MSRA: variants seen among roughly 807,000 people sequenced by gnomAD.
MSRA encodes mitochondrial peptide methionine sulfoxide reductase.
Under a neutral mutation model 31.3 loss-of-function variants are expected in MSRA, and 54 were observed. The observed-to-expected ratio is 1.73, with a 90% CI of 1.39 to 2.17. The LOEUF (loss-of-function observed/expected upper bound fraction) is 2.17. Among genes scored for constraint, MSRA ranks in the 30% most tolerant of loss-of-function variants. The pLI is 0.00. For missense variants in MSRA, 507 were observed against 300.9 expected, an observed-to-expected ratio of 1.69 and a Z score of -5.07; for synonymous variants, 169 against 116.5, an observed-to-expected ratio of 1.45 and a Z score of -2.90.
At chr8:10,341,582 C>T (rs888500335) in intron 5 of MSRA, among the ~76,000 whole-genome samples, 1 of 152,182 alleles carries the variant, frequency 6.6e-6, no homozygotes, top group Non-Finnish European at 1.5e-5. Context: ...TTTCATACAG[C>T]GCTGGGCTTG....
chr8:10,398,664 G>A (rs973202687), intron 5 of MSRA, among the ~76,000 whole-genome samples: 3 of 152,202 alleles, frequency 2.0e-5, no homozygotes, highest in African/African-American at 7.2e-5. Context: ...AGCTGCTAAG[G>A]CCTGATCTTT....
chr8:10,056,705 C>G (rs1045818569), intron 1 of MSRA, among the ~76,000 whole-genome samples: 5 of 152,160 alleles, frequency 3.3e-5, no homozygotes, highest in Admixed American at 6.5e-5. Flanking sequence ...GGCAGTGTTA[C>G]CTCTTCAGTG....
chr8:10,344,845 G>A (rs1270956832), intron 5 of MSRA, among the ~76,000 whole-genome samples: 1 of 152,170 alleles, frequency 6.6e-6, no homozygotes, highest in Non-Finnish European at 1.5e-5. Flanking sequence ...TTCTTCCTTA[G>A]TGTGTCAGGT....
intron 5 of MSRA, among the ~76,000 whole-genome samples, chr8:10,343,921 T>C (rs1383045247): frequency 6.6e-6 from 1 of 152,228 alleles, no homozygotes; most frequent in Non-Finnish European, 1.5e-5. Context: ...CAATAATGAA[T>C]GAATCAATTG....
At chr8:10,408,935 A>G (rs1361868685) in intron 5 of MSRA, among the ~76,000 whole-genome samples, 1 of 152,228 alleles carries the variant, frequency 6.6e-6, no homozygotes, top group Non-Finnish European at 1.5e-5. Flanking sequence ...TCCATGGTAC[A>G]TATACGCCAC....
At chr8:10,358,760 T>C (rs917501285) in intron 5 of MSRA, among the ~76,000 whole-genome samples, 9 of 149,768 alleles carry the variant, frequency 6.0e-5, no homozygotes, top group African/African-American at 2.3e-4. Context: ...GCCCGGCTAA[T>C]TTTTTGTATT....
At chr8:10,406,108 A>G (rs941719310) in intron 5 of MSRA, among the ~76,000 whole-genome samples, 5 of 152,246 alleles carry the variant, frequency 3.3e-5, no homozygotes, top group Admixed American at 2.0e-4. Flanking sequence ...TTTCCCAGTA[A>G]GGGGAGAAGC....
chr8:10,374,682 T>G (rs1805661339), intron 5 of MSRA, among the ~76,000 whole-genome samples: 1 of 152,134 alleles, frequency 6.6e-6, no homozygotes, highest in African/African-American at 2.4e-5. Flanking sequence ...TCCCCCTCAA[T>G]TTTGCCTTTG....
chr8:10,315,261 C>G (rs1218368651), intron 4 of MSRA, among the ~76,000 whole-genome samples: 1 of 152,180 alleles, frequency 6.6e-6, no homozygotes, highest in Non-Finnish European at 1.5e-5. Context: ...CAAACCATAT[C>G]ACAGGCCAAA....
intron 2 of MSRA, among the ~76,000 whole-genome samples, chr8:10,221,924 G>A (rs1393226019): frequency 2.0e-5 from 3 of 152,160 alleles, no homozygotes; most frequent in Admixed American, 2.0e-4. Context: ...TGGCTGGCGT[G>A]TAATCAGCAA....
chr8:10,265,495 C>G lies in MSRA; in HGVS notation c.331+20272C>G, dbSNP rs954890771. The stretch of plus-strand genomic sequence containing the variant: ...CTTCTCCCAGGGTAGGAAATAGAAA[C>G]TCAACAAAGGTGATGACTCAGCATT... On this transcript the variant is annotated intron_variant, in intron 3 of 5. Coordinates refer to ENST00000317173, the MANE Select transcript of MSRA (RefSeq NM_012331.5). Among the ~76,000 whole-genome samples, 7 of 152,170 alleles carry G rather than the reference C, an allele frequency of 4.6e-5. No individual in the cohort carries two copies. In the South Asian group the frequency reaches 1.4e-3, roughly 31 times the overall value.
At chr8:10,418,838 A>C (rs1808637279) in intron 5 of MSRA, among the ~76,000 whole-genome samples, 2 of 69,422 alleles carry the variant, frequency 2.9e-5, no homozygotes, top group African/African-American at 8.9e-5. Context: ...AAAAAAAAAA[A>C]CCAACAAAAA....
At chr8:10,283,836 T>TATATATATATACACACACACACAC (rs1261287031) in intron 3 of MSRA, among the ~76,000 whole-genome samples, 9 of 53,152 alleles carry the variant, frequency 1.7e-4, no homozygotes, top group African/African-American at 2.6e-4. Context: ...TATATATATA[T>TATATATATATACACACACACACAC]ACACACACAC....
At chr8:10,202,031 T>G (rs1468184986) in intron 1 of MSRA, among the ~76,000 whole-genome samples, 1 of 152,238 alleles carries the variant, frequency 6.6e-6, no homozygotes, top group Non-Finnish European at 1.5e-5. Context: ...CATTTGACAC[T>G]CTACTGGTAA....
At chr8:10,190,373 C>T (rs115365300) in intron 1 of MSRA, among the ~76,000 whole-genome samples, 2,719 of 152,306 alleles carry the variant, frequency 0.018, 87 homozygotes, top group African/African-American at 0.061. Context: ...GCCCAGCATC[C>T]CCGCAGATGA....
intron 5 of MSRA, among the ~76,000 whole-genome samples, chr8:10,343,334 C>G (rs890612705): frequency 2.0e-5 from 3 of 152,208 alleles, no homozygotes; most frequent in African/African-American, 7.2e-5. Flanking sequence ...TCAGACCCAA[C>G]AATCCATGCT....
intron 1 of MSRA, among the ~76,000 whole-genome samples, chr8:10,138,301 C>T (rs1033505275): frequency 3.9e-5 from 6 of 152,136 alleles, no homozygotes; most frequent in African/African-American, 1.4e-4. Flanking sequence ...GTGCTATCTA[C>T]AGAAAAGCTT....
At chr8:10,214,417 C>G (rs1809799463) in intron 2 of MSRA, among the ~76,000 whole-genome samples, 1 of 152,136 alleles carries the variant, frequency 6.6e-6, no homozygotes, top group South Asian at 2.1e-4. Flanking sequence ...GGTTATTTGT[C>G]TGCCAGCCAA....
chr8:10,096,622 T>A (rs1799173178), intron 1 of MSRA, among the ~76,000 whole-genome samples: 1 of 152,228 alleles, frequency 6.6e-6, no homozygotes, highest in African/African-American at 2.4e-5. Context: ...CTCAAAATGT[T>A]TTAAGTAGAA....
Sources: allele counts gnomAD v4.1 joint callset (sites outside exome capture counted in the v4.1 genomes callset), GRCh38; gene constraint gnomAD v4.1.1; transcripts MANE v1.5; gene names NCBI Gene and HGNC (gene_info 2026-07-23, HGNC 2026-07-21).